Variants in CLTC observed in about 807,000 individuals in gnomAD.
The protein encoded by CLTC is clathrin heavy chain 1.
A neutral mutation model predicts 195.8 loss-of-function variants in CLTC; 16 were observed. That is an observed-to-expected ratio of 0.08 (90% CI 0.06 to 0.12). The LOEUF (loss-of-function observed/expected upper bound fraction) is 0.12, where lower values mean the gene tolerates loss of function less well. CLTC is among the 10% of genes least tolerant of loss of function. CLTC has a pLI of 1.00. For synonymous variants in CLTC, 667 were observed against 689.4 expected, an observed-to-expected ratio of 0.97 and a Z score of 0.51; for missense variants, 796 against 2,027.0, an observed-to-expected ratio of 0.39 and a Z score of 11.66.
At chr17:59,633,608 T>C (rs951381464) in intron 1 of CLTC, among the ~76,000 whole-genome samples, 4 of 152,204 alleles carry the variant, frequency 2.6e-5, no homozygotes, top group African/African-American at 9.7e-5. Context: ...CTAACTAGAA[T>C]AATGTGGGAT....
intron 1 of CLTC, among the ~76,000 whole-genome samples, chr17:59,632,509 A>G (rs2031753267): frequency 6.6e-6 from 1 of 152,152 alleles, no homozygotes. Context: ...TTGTAATACC[A>G]TGAATTTAAA....
chr17:59,695,458 C>T lies in CLTC; in HGVS notation c.*1606C>T, dbSNP rs940856579. 1 of 176,986 alleles carries T rather than the reference C, an allele frequency of 5.7e-6. No homozygotes were observed. The highest frequency in any genetic ancestry group is 2.4e-5 in the African/African-American group (1 of 42,186). 11.0% of individuals were successfully genotyped at this position (176,986 alleles called of 1,614,324 possible). The stretch of plus-strand genomic sequence containing the variant: ...ATTGCTTGAGGCCAGGAGTTCGAGA[C>T]AAGCCTGACCAACATGGTGACTCCA... On this transcript the variant is annotated 3_prime_UTR_variant, in exon 32 of 32. Transcript: ENST00000269122.
In CLTC at chr17:59,644,444, G is replaced by T; in HGVS notation, c.211G>T (p.Ala71Ser). 6.2e-7 allele frequency: 1 copy of T among 1,613,872 alleles called. No homozygotes were observed. Among genetic ancestry groups the T allele is most frequent in the Non-Finnish European group, 8.5e-7 (1 of 1,179,992 alleles). ...PIRRPISADS[A>S]IMNPASKVIA... ...TCGAAGACCAATTTCAGCAGACAGC[G>T]CCATCATGAATCCAGCTAGCAAAGT... The change falls in exon 2 of 32, where the codon GCC becomes TCC. Residue 71 changes from alanine to serine, a missense_variant. Coordinates refer to ENST00000269122, the MANE Select transcript of CLTC (RefSeq NM_004859.4).
chr17:59,653,617 T>C (rs928890396), intron 5 of CLTC, among the ~76,000 whole-genome samples: 11 of 151,954 alleles, frequency 7.2e-5, no homozygotes, highest in Non-Finnish European at 1.5e-4. Context: ...AGTGCTGTGA[T>C]CATAGCTCAC....
chr17:59,680,837 CTAA>C, intron 18 of CLTC, 72 bp from the exon 19 acceptor site: 1 of 1,262,698 alleles, frequency 7.9e-7, no homozygotes, highest in Non-Finnish European at 1.1e-6. Flanking sequence ...TTCAAGTTTT[CTAA>C]TGAGAGGCCA....
intron 30 of CLTC, chr17:59,690,012 A>G (rs2143612307): frequency 6.6e-6 from 1 of 152,390 alleles, no homozygotes; most frequent in Admixed American, 6.5e-5. Context: ...CTCAATTAAA[A>G]GCAAACATTT....
At chr17:59,691,271 G>C (rs1253372857) in intron 31 of CLTC, among the ~76,000 whole-genome samples, 1 of 152,114 alleles carries the variant, frequency 6.6e-6, no homozygotes, top group African/African-American at 2.4e-5. Context: ...AGATTCATTT[G>C]AACAATCACT....
At chr17:59,650,483 CTT>C (rs35425747) in intron 4 of CLTC, among the ~76,000 whole-genome samples, 117 of 116,828 alleles carry the variant, frequency 1.0e-3, no homozygotes, top group East Asian at 4.3e-3. Context: ...ATTCAGATGA[CTT>C]TTTTTTTTTT....
In CLTC at chr17:59,682,769, T is replaced by C. The variant is rs756548740; in HGVS notation, c.3741T>C (p.Ala1247=). 43 of 1,614,002 alleles carry C rather than the reference T, an allele frequency of 2.7e-5. No homozygotes were observed. In the East Asian group the frequency reaches 9.4e-4, roughly 35 times the overall value. Residue 1247 remains alanine, a synonymous_variant, in exon 23 of 32, where the codon GCT becomes GCC. Coordinates refer to ENST00000269122, the MANE Select transcript of CLTC (RefSeq NM_004859.4). The surrounding 1 kb of genome is among the most constrained non-coding windows in gnomAD (Gnocchi z 6.8). The part of the protein sequence containing the change: ...YQAAVDGARK[A]NSTRTWKEVC... ...CAGCTGTTGATGGGGCTAGGAAAGCTAACAGTACTCGAACATGGAAAGAGG... is the reference window on the plus strand; with the variant it reads ...CAGCTGTTGATGGGGCTAGGAAAGCCAACAGTACTCGAACATGGAAAGAGG...
At chr17:59,687,100 C>A (rs1042412806) in intron 30 of CLTC, 2 of 709,990 alleles carry the variant, frequency 2.8e-6, no homozygotes, top group Non-Finnish European at 1.7e-6. Context: ...CCTTCCTCTT[C>A]TACACTGCTG....
chr17:59,648,162 A>T lies in CLTC; in HGVS notation c.520-78A>T. Reference sequence around the variant, plus strand: ...CCTGCTAAAGATGACAAAGCATTCTAATTATTTCATTACTTGATGAATCTG... The same window carrying T: ...CCTGCTAAAGATGACAAAGCATTCTTATTATTTCATTACTTGATGAATCTG... On this transcript the variant is annotated intron_variant, in intron 3 of 31. Transcript: ENST00000269122. This position sits in a 1 kb window ranked among gnomAD's most constrained non-coding sequence, Gnocchi z 4.5. 1 of 1,278,344 alleles carries T rather than the reference A, an allele frequency of 7.8e-7. No homozygotes were observed. Among genetic ancestry groups the T allele is most frequent in the Non-Finnish European group, 1.1e-6 (1 of 922,236 alleles). 79.2% of individuals were successfully genotyped at this position (1,278,344 alleles called of 1,614,324 possible).
chr17:59,643,189 A>C (rs143767283), intron 1 of CLTC, among the ~76,000 whole-genome samples: 71 of 142,322 alleles, frequency 5.0e-4, no homozygotes, highest in African/African-American at 1.7e-3. Context: ...ATGCGAATTT[A>C]TTATATTACC....
chr17:59,634,098 A>G (rs764472626), intron 1 of CLTC, among the ~76,000 whole-genome samples: 8 of 152,098 alleles, frequency 5.3e-5, no homozygotes, highest in Non-Finnish European at 7.4e-5. Flanking sequence ...TTGTAGGGAC[A>G]GGGTCTCGCC....
At chr17:59,692,464 G>A (rs2033326663) in intron 31 of CLTC, among the ~76,000 whole-genome samples, 1 of 152,200 alleles carries the variant, frequency 6.6e-6, no homozygotes, top group South Asian at 2.1e-4. Context: ...AAATACTTTT[G>A]TAGGGGTAGA....
At chr17:59,687,588 C>T (rs551877338) in intron 30 of CLTC, among the ~76,000 whole-genome samples, 72 of 151,934 alleles carry the variant, frequency 4.7e-4, no homozygotes, top group African/African-American at 1.6e-3. Flanking sequence ...TAGCTGCTTC[C>T]GAAGAGACTT....
At chr17:59,639,529 A>T (rs974825012) in intron 1 of CLTC, among the ~76,000 whole-genome samples, 2 of 152,198 alleles carry the variant, frequency 1.3e-5, no homozygotes, top group Admixed American at 6.5e-5. Flanking sequence ...GCAGATTGAG[A>T]GGATAATAAA....
chr17:59,666,223 C>A lies in CLTC; in HGVS notation c.1765C>A (p.Leu589Ile). Reference protein sequence around the residue: ...PLQTRLLEMNLMHAPQVADAI... With the variant: ...PLQTRLLEMNIMHAPQVADAI... ...ACAGACGCGGTTACTTGAGATGAAC[C>A]TTATGCATGCGCCTCAAGTATGTGT... Residue 589 changes from leucine (L) to isoleucine (I), a missense_variant, in exon 11 of 32, where the codon CTT (leucine) becomes ATT (isoleucine). Leu to Ile is a conservative substitution (Grantham distance 5). This residue lies in a region of CLTC where 293 missense variants were observed against 795.6 expected (regional missense o/e 0.37). Coordinates refer to ENST00000269122, the MANE Select transcript of CLTC (RefSeq NM_004859.4). The surrounding 1 kb of genome is among the most constrained non-coding windows in gnomAD (Gnocchi z 4.9). 1 of 1,613,900 alleles carries A rather than the reference C, an allele frequency of 6.2e-7. No homozygotes were observed. The highest frequency in any genetic ancestry group is 8.5e-7 in the Non-Finnish European group (1 of 1,179,848).
In CLTC at chr17:59,694,361, C is replaced by T; in HGVS notation, c.*509C>T. Reference sequence around the variant, plus strand: ...AGACAACACTAATCAGCACATCGTACACTGGATTGCAGTGCTTCCCAGATT... The same window carrying T: ...AGACAACACTAATCAGCACATCGTATACTGGATTGCAGTGCTTCCCAGATT... On this transcript the variant is annotated 3_prime_UTR_variant, in exon 32 of 32. Coordinates refer to ENST00000269122, the MANE Select transcript of CLTC (RefSeq NM_004859.4). The T allele has an allele frequency of 4.5e-6, 1 of 224,114 alleles. No individual in the cohort carries two copies. The highest frequency in any genetic ancestry group is 8.9e-6 in the Non-Finnish European group (1 of 111,986). 13.9% of individuals were successfully genotyped at this position (224,114 alleles called of 1,614,324 possible). A position where few individuals can be genotyped will look rare whatever the true frequency, so the allele number is the denominator to read the frequency against.
At chr17:59,668,572 G>T (rs2032781162) in intron 13 of CLTC, among the ~76,000 whole-genome samples, 1 of 152,054 alleles carries the variant, frequency 6.6e-6, no homozygotes, top group Non-Finnish European at 1.5e-5. Flanking sequence ...GGAAACATTG[G>T]GTTGAATTGT....
Sources: gnomAD v4.1 joint callset for allele counts (sites outside exome capture counted in the v4.1 genomes callset) on GRCh38, gnomAD v4.1.1 for gene constraint, gnomAD v4.1.1 regional missense constraint, Gnocchi (gnomAD v3.1) non-coding constraint, MANE v1.5 for transcripts, NCBI Gene and HGNC (gene_info 2026-07-23, HGNC 2026-07-21) for gene names.